FAM153A: variants seen among roughly 807,000 people sequenced by gnomAD.
The protein encoded by FAM153A is protein FAM153A.
In FAM153A, 12 loss-of-function variants were observed where a neutral mutation model predicts 48.1. That is an observed-to-expected ratio of 0.25 (90% CI 0.16 to 0.40). FAM153A has a LOEUF of 0.40. FAM153A is among the 10% of genes least tolerant of loss of function. The pLI, the probability that FAM153A is intolerant of heterozygous loss-of-function variation, is 1.00. For missense variants in FAM153A, 111 were observed against 345.8 expected, an observed-to-expected ratio of 0.32 and a Z score of 5.38; for synonymous variants, 36 against 118.2, an observed-to-expected ratio of 0.30 and a Z score of 4.51.
downstream of FAM153A, among the ~76,000 whole-genome samples, chr5:177,717,497 C>T (rs1173947216): frequency 3.3e-5 from 5 of 151,156 alleles, no homozygotes; most frequent in African/African-American, 4.9e-5. Context: ...GAAACCAGCT[C>T]GTGAAGGTTG....
At position 177,770,798 on chromosome 5, in the gene FAM153A, T is replaced by C. The variant is rs1769070313; in HGVS notation, c.-57+9651A>G. Among the ~76,000 whole-genome samples, 2 of 98,874 alleles carry C rather than the reference T, an allele frequency of 2.0e-5. 1 individual carries two copies. The highest frequency in any genetic ancestry group is 4.2e-5 in the Non-Finnish European group (2 of 47,418). 64.9% of individuals were successfully genotyped at this position (98,874 alleles called of 152,430 possible). On this transcript the variant is annotated intron_variant, in intron 1 of 8. Transcript: ENST00000393518. ...TCATCAGTTGTAACAAATGTACCAC[T>C]CTGGTGGAAAATACTAATCATGGGG...
exon 21 of FAM153A, chr5:177,724,109 G>A (rs374151094): frequency 8.1e-6 from 13 of 1,611,114 alleles, no homozygotes; most frequent in African/African-American, 6.8e-5. Flanking sequence ...GCCTTCAGAG[G>A]TCTCTAAAAT....
At chr5:177,706,714 G>A, downstream of FAM153A, 1 of 151,780 alleles carries the variant, frequency 6.6e-6, no homozygotes, top group Non-Finnish European at 1.5e-5. Flanking sequence ...AGACTTTCTT[G>A]CAAAAATGCC....
chr5:177,702,780 C>CATA, the FAM153A span, among the ~76,000 whole-genome samples: 2 of 151,950 alleles, frequency 1.3e-5, no homozygotes, highest in African/African-American at 2.4e-5. Flanking sequence ...GGGTGCAAGC[C>CATA]ATAAGCCTTG....
At chr5:177,739,420 G>A (rs1765207950) in intron 9 of FAM153A, 180 bp downstream of exon 11, 1 of 490,176 alleles carries the variant, frequency 2.0e-6, no homozygotes, top group Admixed American at 3.8e-5. Context: ...ATCTATGAAT[G>A]CCATCTTCAA....
intron 1 of FAM153A, among the ~76,000 whole-genome samples, chr5:177,759,179 A>G (rs1768056788): frequency 6.6e-6 from 1 of 151,970 alleles, no homozygotes; most frequent in Non-Finnish European, 1.5e-5. Context: ...ACACTTCTCA[A>G]AAGAAGACAT....
rs541962520 is a variant in FAM153A at position 177,734,075 on chromosome 5, G to A, written c.760+305C>T. ...TAGAAAATCCGGGGATATGTAGTAC[G>A]GAAACCCACACACACACCCCCAGAC... On this transcript the variant is annotated intron_variant, in intron 14 of 20. Coordinates refer to ENST00000614127, the Ensembl canonical transcript of FAM153A. Among the ~76,000 whole-genome samples, 9 of 118,352 alleles carry A rather than the reference G, an allele frequency of 7.6e-5. 2 individuals carry two copies. The South Asian group carries it at 1.9e-3, about 25-fold the overall frequency. 77.6% of individuals were successfully genotyped at this position (118,352 alleles called of 152,430 possible).
the FAM153A span, among the ~76,000 whole-genome samples, chr5:177,695,784 G>T: frequency 6.6e-6 from 1 of 151,458 alleles, no homozygotes; most frequent in Non-Finnish European, 1.5e-5. Flanking sequence ...GGGGCTGTTG[G>T]GTACACCTCC....
At chr5:177,755,764 C>A (rs1168689684), upstream of FAM153A, among the ~76,000 whole-genome samples, 2 of 150,900 alleles carry the variant, frequency 1.3e-5, no homozygotes, top group African/African-American at 4.9e-5. Flanking sequence ...GAAATAAAAT[C>A]CTTTACAGAC....
chr5:177,716,722 C>T (rs988983301), intron 24 of FAM153A, among the ~76,000 whole-genome samples: 4 of 151,856 alleles, frequency 2.6e-5, no homozygotes, highest in Non-Finnish European at 5.9e-5. Context: ...TAAATGGCCA[C>T]AGATTGACAT....
chr5:177,694,953 T>C, the FAM153A span, among the ~76,000 whole-genome samples: 1 of 151,794 alleles, frequency 6.6e-6, no homozygotes, highest in Non-Finnish European at 1.5e-5. Flanking sequence ...GAATGGAGTC[T>C]CACTTGGTTG....
the FAM153A span, among the ~76,000 whole-genome samples, chr5:177,700,576 G>A: frequency 1.3e-5 from 2 of 151,882 alleles, no homozygotes; most frequent in Non-Finnish European, 2.9e-5. Context: ...GCTGAGGTAG[G>A]TGGATCACCT....
chr5:177,739,151 A>G lies in FAM153A; in HGVS notation c.538-14T>C. On this transcript the variant is annotated splice_polypyrimidine_tract_variant and intron_variant, in intron 9 of 20. Coordinates refer to ENST00000614127, the Ensembl canonical transcript of FAM153A. ...GCCTGCGTCTGCCTGCGTTTAGAGA[A>G]AGAAAAACACCATGAGGGTAAGATC... 6.2e-7 allele frequency: 1 copy of G among 1,612,508 alleles called. No individual in the cohort carries two copies. Among genetic ancestry groups the G allele is most frequent in the Non-Finnish European group, 8.5e-7 (1 of 1,179,914 alleles).
chr5:177,702,082 G>A, the FAM153A span, among the ~76,000 whole-genome samples: 1 of 151,696 alleles, frequency 6.6e-6, no homozygotes, highest in Non-Finnish European at 1.5e-5. Flanking sequence ...TAATTTTTTT[G>A]TATTTTTAGT....
intron 6 of FAM153A, among the ~76,000 whole-genome samples, chr5:177,743,201 G>GTTT (rs1191782624): frequency 3.5e-5 from 3 of 86,482 alleles, no homozygotes; most frequent in African/African-American, 1.2e-4. Context: ...TTTTTTTTTT[G>GTTT]TTTTGTTTTT....
chr5:177,759,402 G>A (rs979880013), intron 1 of FAM153A, among the ~76,000 whole-genome samples: 39 of 151,824 alleles, frequency 2.6e-4, no homozygotes, highest in Admixed American at 1.2e-3. Flanking sequence ...GTGGAAGAGA[G>A]AGTGGCAATT....
intron 1 of FAM153A, among the ~76,000 whole-genome samples, chr5:177,759,969 AAT>A (rs1448644707): frequency 1.4e-5 from 2 of 146,034 alleles, no homozygotes; most frequent in Admixed American, 1.3e-4. Flanking sequence ...AAAAGTAAAA[AAT>A]AAAAAAAAAC....
chr5:177,696,518 C>T, the FAM153A span, among the ~76,000 whole-genome samples: 1 of 151,592 alleles, frequency 6.6e-6, no homozygotes, highest in Admixed American at 6.6e-5. Context: ...TTGTCCCACA[C>T]CGTTTGTTGA....
At chr5:177,725,605 A>C (rs1368421800) in intron 18 of FAM153A, among the ~76,000 whole-genome samples, 2 of 151,568 alleles carry the variant, frequency 1.3e-5, no homozygotes, top group African/African-American at 4.9e-5. Context: ...TGGGAAGACT[A>C]GGAGGGAAGG....
Sources: gnomAD v4.1 joint callset for allele counts (sites outside exome capture counted in the v4.1 genomes callset) on GRCh38, gnomAD v4.1.1 for gene constraint, MANE v1.5 for transcripts, NCBI Gene and HGNC (gene_info 2026-07-23, HGNC 2026-07-21) for gene names.